CWH43: variants seen among roughly 807,000 people sequenced by gnomAD.
The protein encoded by CWH43 is PGAP2-interacting protein.
A neutral mutation model predicts 85.7 loss-of-function variants in CWH43; 91 were observed. The observed-to-expected ratio is 1.06, with a 90% confidence interval of 0.90 to 1.26. The LOEUF is 1.26. Among genes scored for constraint, CWH43 ranks in the 50% most tolerant of loss-of-function variants. CWH43 has a pLI of 0.00. For synonymous variants in CWH43, 323 were observed against 293.6 expected (o/e 1.10, Z -1.02); for missense variants, 869 against 839.2 (o/e 1.04, Z -0.44).
chr4:48,991,520 C>A lies in CWH43; in HGVS notation c.302C>A (p.Ser101Tyr). 2.5e-6 allele frequency: 4 copies of A among 1,614,090 alleles called. No homozygotes were observed. Among genetic ancestry groups the A allele is most frequent in the Non-Finnish European group, 3.4e-6 (4 of 1,179,998 alleles). The change falls in exon 3 of 16, where the codon TCT becomes TAT. Residue 101 changes from serine (S) to tyrosine (Y), a missense_variant. Physicochemically the swap from Ser to Tyr is moderately radical, Grantham distance 144 (BLOSUM62 -2). Coordinates refer to ENST00000226432, the MANE Select transcript of CWH43 (RefSeq NM_025087.3). ...CTGATGGTTCTTGCGCTTGGGGTGT[C>A]TTCCTCACTGATAGTGCAAGCTGTG... The part of the protein sequence containing the change: ...LRLMVLALGV[S>Y]SSLIVQAVTW...
At position 49,061,803 on chromosome 4, in the gene CWH43, T is replaced by A. The variant is rs1298993394; in HGVS notation, c.2022-9T>A. The A allele has an allele frequency of 1.5e-6, 2 of 1,365,678 alleles. No homozygotes were observed. Among genetic ancestry groups the A allele is most frequent in the Middle Eastern group, 2.1e-4 (1 of 4,766 alleles). The allele number at this position is 1,365,678 out of a possible 1,614,324, so 84.6% of individuals were successfully genotyped here. A position where few individuals can be genotyped will look rare whatever the true frequency, so the allele number is the denominator to read the frequency against. On this transcript the variant is annotated splice_polypyrimidine_tract_variant and intron_variant, in intron 15 of 15. Coordinates refer to ENST00000226432, the MANE Select transcript of CWH43 (RefSeq NM_025087.3). ...CCAATAACTTTTTATTTATTTTTTATTTTTTTAGATTTGGATCCTACAAAG... is the reference window on the plus strand; with the variant it reads ...CCAATAACTTTTTATTTATTTTTTAATTTTTTAGATTTGGATCCTACAAAG...
At position 48,986,379 on chromosome 4, in the gene CWH43, C is replaced by G. The variant is rs113109905; in HGVS notation, c.-51C>G. 6.5e-7 allele frequency: 1 copy of G among 1,528,636 alleles called. No homozygotes were observed. The highest frequency in any genetic ancestry group is 8.8e-7 in the Non-Finnish European group (1 of 1,131,596). 94.7% of individuals were successfully genotyped at this position (1,528,636 alleles called of 1,614,324 possible). A position where few individuals can be genotyped will look rare whatever the true frequency, so the allele number is the denominator to read the frequency against. ...ACCTGGGGGCGCAGGGCTAGGGCAG[C>G]GGGCCCGACCCGCACGGCTTTCCTG... On this transcript the variant is annotated 5_prime_UTR_variant, in exon 1 of 16. Transcript: ENST00000226432.
rs1008253384 is a variant in CWH43, at chr4:48,994,605, T to C, written c.512-14T>C. Reference sequence around the variant, plus strand: ...TAACTAAACTTTTTCCATATATGTATTTTTAAATTCTAGATGGTGACTGCA... The same window carrying C: ...TAACTAAACTTTTTCCATATATGTACTTTTAAATTCTAGATGGTGACTGCA... On this transcript the variant is annotated splice_polypyrimidine_tract_variant and intron_variant, in intron 4 of 15. Coordinates refer to ENST00000226432, the MANE Select transcript of CWH43 (RefSeq NM_025087.3). The C allele has an allele frequency of 3.1e-6, 5 of 1,602,724 alleles. No homozygotes were observed. The highest frequency in any genetic ancestry group is 4.3e-6 in the Non-Finnish European group (5 of 1,175,772).
chr4:49,039,312 T>G (rs1303318317), intron 13 of CWH43, among the ~76,000 whole-genome samples: 1 of 29,926 alleles, frequency 3.3e-5, no homozygotes. Flanking sequence ...GACTGATATA[T>G]ATATATATAT....
chr4:48,994,727 T>C lies in CWH43; in HGVS notation c.620T>C (p.Phe207Ser), dbSNP rs774232549. The C allele has an allele frequency of 1.2e-6, 2 of 1,614,200 alleles. No individual in the cohort carries two copies. The highest frequency in any genetic ancestry group is 1.7e-6 in the Non-Finnish European group (2 of 1,180,012). ...GGGGCTGCTTTTGGTAGCCTTGTGTTCCTCACCCACTGGGTTTTTGGAGAA... is the reference window on the plus strand; with the variant it reads ...GGGGCTGCTTTTGGTAGCCTTGTGTCCCTCACCCACTGGGTTTTTGGAGAA... ...LAGAAFGSLVFLTHWVFGEVS... is the reference protein window; with the variant it reads ...LAGAAFGSLVSLTHWVFGEVS... Residue 207 changes from phenylalanine (F) to serine (S), a missense_variant, in exon 5 of 16, where the codon TTC becomes TCC. By Grantham distance (155) the Phe-to-Ser change is radical. Coordinates refer to ENST00000226432, the MANE Select transcript of CWH43 (RefSeq NM_025087.3).
At chr4:48,986,733 T>C in intron 1 of CWH43, 1 of 1,325,716 alleles carries the variant, frequency 7.5e-7, no homozygotes, top group African/African-American at 1.5e-5. Flanking sequence ...GCCCTGGGAT[T>C]GTGCCCAAGG....
chr4:49,040,355 C>A (rs2109823045), intron 13 of CWH43, among the ~76,000 whole-genome samples: 1 of 152,304 alleles, frequency 6.6e-6, no homozygotes, highest in East Asian at 1.9e-4. Context: ...AGTTTACAGT[C>A]CCACCAACAG....
At chr4:49,047,817 G>A (rs960974418) in intron 14 of CWH43, among the ~76,000 whole-genome samples, 10 of 152,266 alleles carry the variant, frequency 6.6e-5, no homozygotes, top group South Asian at 2.1e-4. Context: ...GACCTTACTC[G>A]TTCTTGGACA....
chr4:48,998,627 G>C, intron 6 of CWH43, 79 bp downstream of exon 6: 1 of 1,000,602 alleles, frequency 1.0e-6, no homozygotes, highest in South Asian at 1.3e-5. Context: ...CAACTCGACT[G>C]AAAGTAGATA....
At position 49,030,961 on chromosome 4, in the gene CWH43, G is replaced by C; in HGVS notation, c.1508+1G>C. The C allele has an allele frequency of 6.3e-7, 1 of 1,584,428 alleles. No homozygotes were observed. The highest frequency in any genetic ancestry group is 1.4e-5 in the African/African-American group (1 of 73,064). On this transcript the variant is annotated splice_donor_variant, in intron 11 of 15. Coordinates refer to ENST00000226432, the MANE Select transcript of CWH43 (RefSeq NM_025087.3). LOFTEE classifies it high-confidence loss of function. ...CAAGCACAAGGTATCACACTTGGGG[G>C]TGAGTATACCTTGGGAGTTAATCCC...
In CWH43 at chr4:49,030,948, A is replaced by G. The variant is rs1258666263; in HGVS notation, c.1496A>G (p.Tyr499Cys). 1 of 1,597,054 alleles carries G rather than the reference A, an allele frequency of 6.3e-7. No individual in the cohort carries two copies. Among genetic ancestry groups the G allele is most frequent in the Non-Finnish European group, 8.5e-7 (1 of 1,174,244 alleles). Residue 499 changes from tyrosine to cysteine, a missense_variant, in exon 11 of 16, where the codon TAT becomes TGT. Tyr to Cys is a radical substitution (Grantham distance 194). This residue lies in a region of CWH43 where 577 missense variants were observed against 513.1 expected (regional missense o/e 1.12). Coordinates refer to ENST00000226432, the MANE Select transcript of CWH43 (RefSeq NM_025087.3). ...FYTDFGPSTR[Y>C]HTWGIMALSR... ...ACAGACTTTGGTCCAAGCACAAGGT[A>G]TCACACTTGGGGGTGAGTATACCTT...
At chr4:48,993,462 A>G (rs1344883072) in intron 4 of CWH43, among the ~76,000 whole-genome samples, 1 of 152,098 alleles carries the variant, frequency 6.6e-6, no homozygotes, top group Non-Finnish European at 1.5e-5. Context: ...TTTCTTGGGA[A>G]ATTAGACTGC....
rs766061803 is a variant in CWH43 at position 49,024,119 on chromosome 4, T to G, written c.1267-4510T>G. 1.2e-4 allele frequency among the ~76,000 whole-genome samples: 19 copies of G among 152,174 alleles called. 1 individual carries two copies. Among genetic ancestry groups the G allele is most frequent in the South Asian group, 1.2e-3 (6 of 4,828 alleles). ...AATGTCCTTCTTTGTCTTTTTTAAC[T>G]GCTGTTGTTTTAAAGTTTGTTTTGT... On this transcript the variant is annotated intron_variant, in intron 9 of 15. Transcript: ENST00000226432.
intron 9 of CWH43, among the ~76,000 whole-genome samples, chr4:49,026,965 C>G (rs1352707502): frequency 1.3e-5 from 2 of 152,182 alleles, no homozygotes; most frequent in Non-Finnish European, 2.9e-5. Context: ...AATCTCTAAA[C>G]TGTTTTCCAT....
At chr4:49,045,714 CT>C (rs907201193) in intron 14 of CWH43, among the ~76,000 whole-genome samples, 3 of 151,772 alleles carry the variant, frequency 2.0e-5, no homozygotes, top group East Asian at 1.9e-4. Context: ...ACATTTCTTT[CT>C]TTTTTTTAAA....
chr4:49,031,591 T>C (rs866184377), intron 11 of CWH43, among the ~76,000 whole-genome samples: 14 of 151,966 alleles, frequency 9.2e-5, no homozygotes, highest in Middle Eastern at 3.4e-3. Context: ...TATCCAGTTG[T>C]GATTGGAAGC....
rs1389339440 is a variant in CWH43 at position 48,992,909 on chromosome 4, T to A, written c.511+819T>A. ...AATAGAGGGAAATTATGTCAGTAAATTGGCCTTGTGATGTTAATAGTAGAA... is the reference window on the plus strand; with the variant it reads ...AATAGAGGGAAATTATGTCAGTAAAATGGCCTTGTGATGTTAATAGTAGAA... On this transcript the variant is annotated intron_variant, in intron 4 of 15. Coordinates refer to ENST00000226432, the MANE Select transcript of CWH43 (RefSeq NM_025087.3). The surrounding 1 kb of genome is among the most constrained non-coding windows in gnomAD (Gnocchi z 4.3). Among the ~76,000 whole-genome samples, 1 of 152,192 alleles carries A rather than the reference T, an allele frequency of 6.6e-6. No homozygotes were observed. The highest frequency in any genetic ancestry group is 1.5e-5 in the Non-Finnish European group (1 of 68,028).
intron 1 of CWH43, chr4:48,986,714 T>G: frequency 3.7e-6 from 5 of 1,345,730 alleles, no homozygotes; most frequent in Non-Finnish European, 1.9e-6. Flanking sequence ...GTCGCCCGAG[T>G]TCCCAGCAGC....
intron 5 of CWH43, among the ~76,000 whole-genome samples, chr4:48,995,378 T>C (rs1384465050): frequency 6.6e-6 from 1 of 152,176 alleles, no homozygotes; most frequent in East Asian, 1.9e-4. Context: ...GGTCCTTGTG[T>C]TTGGTCCTTT....
Sources: allele counts gnomAD v4.1 joint callset (sites outside exome capture counted in the v4.1 genomes callset), GRCh38; gene constraint gnomAD v4.1.1; regional missense constraint gnomAD v4.1.1; non-coding constraint Gnocchi (gnomAD v3.1); transcripts MANE v1.5; gene names NCBI Gene and HGNC (gene_info 2026-07-23, HGNC 2026-07-21).